Variants in MGST1 observed in about 807,000 individuals in gnomAD.
The protein encoded by MGST1 is microsomal glutathione S-transferase 1.
In MGST1, 5 loss-of-function variants were observed where a neutral mutation model predicts 8.9. The ratio of observed to expected loss-of-function variants is 0.56; its 90% CI spans 0.29 to 1.19. The LOEUF (loss-of-function observed/expected upper bound fraction) is 1.19, where lower values mean the gene tolerates loss of function less well. Among genes scored for constraint, MGST1 ranks in the 50% most tolerant of loss-of-function variants. The probability of loss-of-function intolerance (pLI) is 0.08; values close to 1 mark genes in which losing one functional copy is unlikely to be tolerated. For missense variants in MGST1, 182 were observed against 187.4 expected (o/e 0.97, Z 0.17); for synonymous variants, 54 against 67.8 (o/e 0.80, Z 1.00).
chr12:16,520,621 C>T (rs927526561), intron 4 of MGST1, among the ~76,000 whole-genome samples: 9 of 152,084 alleles, frequency 5.9e-5, no homozygotes, highest in African/African-American at 9.7e-5. Context: ...TAGGTTTTCG[C>T]TGAGAAGTGT....
intron 4 of MGST1, among the ~76,000 whole-genome samples, chr12:16,448,836 G>A (rs1323864825): frequency 2.0e-5 from 3 of 151,914 alleles, no homozygotes; most frequent in Non-Finnish European, 2.9e-5. Context: ...GAAAGAGGAG[G>A]CTGGGAGATT....
chr12:16,485,279 C>G (rs1432207778), intron 4 of MGST1, among the ~76,000 whole-genome samples: 1 of 152,192 alleles, frequency 6.6e-6, no homozygotes, highest in Non-Finnish European at 1.5e-5. Flanking sequence ...GTCCCAGGCT[C>G]TCTTGTAGGC....
At chr12:16,387,238 T>C (rs1316169711) in intron 1 of MGST1, among the ~76,000 whole-genome samples, 6 of 152,198 alleles carry the variant, frequency 3.9e-5, no homozygotes, top group African/African-American at 1.4e-4. Context: ...AATGACATTT[T>C]GGTCAATGAT....
chr12:16,361,302 A>C lies in MGST1; in HGVS notation c.222-2493A>C, dbSNP rs1274892768. On this transcript the variant is annotated intron_variant, in intron 3 of 3. Coordinates refer to ENST00000396210, the MANE Select transcript of MGST1 (RefSeq NM_020300.5). The surrounding 1 kb of genome is among the most constrained non-coding windows in gnomAD (Gnocchi z 4.2). ...GCATGTAGCAATGGCAGTCCAGGTC[A>C]GGTGGATGCTGGGATCCAAGTAATT... Among the ~76,000 whole-genome samples the C allele has an allele frequency of 6.6e-6, 1 of 152,188 alleles. No homozygotes were observed. Among genetic ancestry groups the C allele is most frequent in the Admixed American group, 6.5e-5 (1 of 15,282 alleles).
intron 4 of MGST1, among the ~76,000 whole-genome samples, chr12:16,463,750 C>T (rs775495902): frequency 4.0e-5 from 6 of 151,888 alleles, no homozygotes; most frequent in South Asian, 4.1e-4. Flanking sequence ...TTCTACCCTA[C>T]GTAGTGTGAA....
intron 4 of MGST1, among the ~76,000 whole-genome samples, chr12:16,532,528 A>G (rs1591753646): frequency 1.3e-5 from 2 of 152,154 alleles, no homozygotes; most frequent in African/African-American, 4.8e-5. Flanking sequence ...TTAATGTGAG[A>G]TTTTGCAACA....
intron 1 of MGST1, among the ~76,000 whole-genome samples, chr12:16,396,873 AC>A (rs1940610721): frequency 6.6e-6 from 1 of 152,196 alleles, no homozygotes; most frequent in Non-Finnish European, 1.5e-5. Context: ...AAAGCAGTCT[AC>A]AAATTCAATG....
chr12:16,424,456 C>T (rs1940868040), intron 1 of MGST1, among the ~76,000 whole-genome samples: 1 of 152,172 alleles, frequency 6.6e-6, no homozygotes, highest in African/African-American at 2.4e-5. Flanking sequence ...ACTAAGTCTC[C>T]TCTCTCCTGG....
intron 1 of MGST1, among the ~76,000 whole-genome samples, chr12:16,396,935 T>C (rs1940611146): frequency 6.6e-6 from 1 of 151,856 alleles, no homozygotes; most frequent in Non-Finnish European, 1.5e-5. Context: ...AGAAAAAAAA[T>C]CCTAAAATTA....
intron 4 of MGST1, chr12:16,550,009 TTAAAA>T (rs1331551272): frequency 1.3e-5 from 2 of 152,046 alleles, no homozygotes; most frequent in East Asian, 1.9e-4. Flanking sequence ...TTTTTGAACA[TTAAAA>T]TAAATGTCAG....
intron 4 of MGST1, among the ~76,000 whole-genome samples, chr12:16,481,414 G>A (rs1941363679): frequency 1.3e-5 from 2 of 152,144 alleles, no homozygotes; most frequent in Non-Finnish European, 2.9e-5. Context: ...GAATTTCTCT[G>A]TTGGAATTGT....
chr12:16,567,965 T>C (rs1324266311), intron 4 of MGST1, among the ~76,000 whole-genome samples: 2 of 152,096 alleles, frequency 1.3e-5, no homozygotes, highest in Non-Finnish European at 2.9e-5. Flanking sequence ...GTGGGGGTAA[T>C]AAAATTACAG....
At position 16,560,312 on chromosome 12, in the gene MGST1, T is replaced by C. The variant is rs1942353838; in HGVS notation, n.483-29216T>C. 5 of 1,290,114 alleles carry C rather than the reference T, an allele frequency of 3.9e-6. No homozygotes were observed. The South Asian group carries it at 6.4e-5, about 17-fold the overall frequency. 79.9% of individuals were successfully genotyped at this position (1,290,114 alleles called of 1,614,324 possible). Reference sequence around the variant, plus strand: ...TTTACAGAACAGAAAAACGCTGAGATTGATTGCTTTAAATGTATGAATATA... The same window carrying C: ...TTTACAGAACAGAAAAACGCTGAGACTGATTGCTTTAAATGTATGAATATA... On this transcript the variant is annotated intron_variant and non_coding_transcript_variant, in intron 4 of 4. Transcript: ENST00000538857. This position sits in a 1 kb window ranked among gnomAD's most constrained non-coding sequence, Gnocchi z 5.0.
intron 2 of MGST1, among the ~76,000 whole-genome samples, chr12:16,355,109 A>G (rs1015320821): frequency 1.3e-5 from 2 of 151,636 alleles, no homozygotes; most frequent in African/African-American, 2.4e-5. Flanking sequence ...CCTGGAGACC[A>G]TCTGTTTCTC....
intron 4 of MGST1, among the ~76,000 whole-genome samples, chr12:16,563,620 G>A (rs1175141961): frequency 1.3e-5 from 2 of 152,014 alleles, no homozygotes; most frequent in Middle Eastern, 3.4e-3. Flanking sequence ...TCCCACACTC[G>A]TTTATAAAGT....
At chr12:16,499,407 T>C (rs910408522) in intron 4 of MGST1, among the ~76,000 whole-genome samples, 3 of 152,202 alleles carry the variant, frequency 2.0e-5, no homozygotes, top group East Asian at 3.8e-4. Flanking sequence ...TTACCAGCAC[T>C]GTGTGGGGAG....
intron 4 of MGST1, among the ~76,000 whole-genome samples, chr12:16,539,730 C>A (rs879201363): frequency 6.6e-6 from 1 of 152,178 alleles, no homozygotes; most frequent in East Asian, 1.9e-4. Context: ...TTAACAGGCT[C>A]CTCATCTTCT....
rs926161545 is a variant in MGST1, at chr12:16,547,517, T to C, written n.483-42011T>C. Among the ~76,000 whole-genome samples, 1 of 152,152 alleles carries C rather than the reference T, an allele frequency of 6.6e-6. No individual in the cohort carries two copies. Among genetic ancestry groups the C allele is most frequent in the Non-Finnish European group, 1.5e-5 (1 of 68,018 alleles). ...GTGCTCATTATTAGCAGGTTGGAGA[T>C]GAGCACAAACCAGTGCAAAGACATG... is the stretch of plus-strand genomic sequence containing the variant. On this transcript the variant is annotated intron_variant and non_coding_transcript_variant, in intron 4 of 4. Transcript: ENST00000538857. This position sits in a 1 kb window ranked among gnomAD's most constrained non-coding sequence, Gnocchi z 4.6.
chr12:16,543,005 C>G (rs987501390), intron 4 of MGST1, among the ~76,000 whole-genome samples: 1 of 152,152 alleles, frequency 6.6e-6, no homozygotes, highest in Non-Finnish European at 1.5e-5. Flanking sequence ...TAAATCACTT[C>G]CTCCTGGGTG....
Sources: gnomAD v4.1 joint callset for allele counts (sites outside exome capture counted in the v4.1 genomes callset) on GRCh38, gnomAD v4.1.1 for gene constraint, Gnocchi (gnomAD v3.1) non-coding constraint, MANE v1.5 for transcripts, NCBI Gene and HGNC (gene_info 2026-07-23, HGNC 2026-07-21) for gene names.